NRXN1: variants seen among roughly 807,000 people sequenced by gnomAD.
NRXN1 encodes the protein neurexin 1.
NRXN1 carries 39 observed loss-of-function variants against 150.9 expected under a neutral mutation model. The ratio of observed to expected loss-of-function variants is 0.26; its 90% CI spans 0.20 to 0.34. The LOEUF (loss-of-function observed/expected upper bound fraction) is 0.34, where lower values mean the gene tolerates loss of function less well. Among genes scored for constraint, NRXN1 ranks in the 10% least tolerant of loss-of-function variants. The pLI is 1.00. For missense variants in NRXN1, 1,815 were observed against 1,949.9 expected, an observed-to-expected ratio of 0.93 and a Z score of 1.30; for synonymous variants, 924 against 757.0, an observed-to-expected ratio of 1.22 and a Z score of -3.62.
intron 17 of NRXN1, among the ~76,000 whole-genome samples, chr2:50,244,004 TA>T (rs889964702): frequency 3.3e-5 from 5 of 151,954 alleles, no homozygotes; most frequent in African/African-American, 1.2e-4. Flanking sequence ...TGCGCTTCAA[TA>T]AAAAATGAAT....
chr2:50,514,803 A>G (rs980121354), intron 12 of NRXN1, among the ~76,000 whole-genome samples: 3 of 152,226 alleles, frequency 2.0e-5, no homozygotes, highest in Non-Finnish European at 2.9e-5. Context: ...TCTGCATTGC[A>G]TATTAAAGAA....
intron 2 of NRXN1, among the ~76,000 whole-genome samples, chr2:50,989,983 G>C (rs1257623172): frequency 1.3e-5 from 2 of 151,672 alleles, no homozygotes; most frequent in Non-Finnish European, 2.9e-5. Flanking sequence ...GCCAGTACTT[G>C]ATATTGTCAT....
At position 50,610,428 on chromosome 2, in the gene NRXN1, C is replaced by T. The variant is rs375207970; in HGVS notation, c.1320+9594G>A. Among the ~76,000 whole-genome samples, 440 of 151,318 alleles carry T rather than the reference C, an allele frequency of 2.9e-3. 5 individuals carry two copies. The highest frequency in any genetic ancestry group is 0.021 in the Middle Eastern group (6 of 292). On this transcript the variant is annotated intron_variant, in intron 8 of 22. Coordinates refer to ENST00000401669, the MANE Select transcript of NRXN1 (RefSeq NM_001330078.2). ...AGACAAACTCAGATTACTTGATTAC[C>T]TTGTCTTTGAAATTATTACTAATGT...
chr2:50,300,212 T>C (rs778575906), intron 17 of NRXN1, among the ~76,000 whole-genome samples: 8 of 152,198 alleles, frequency 5.3e-5, no homozygotes, highest in Non-Finnish European at 1.5e-5. Context: ...AGTTTCAAAA[T>C]GTCATTTTAA....
chr2:50,663,138 C>G (rs142910463), intron 5 of NRXN1, among the ~76,000 whole-genome samples: 2 of 152,148 alleles, frequency 1.3e-5, no homozygotes, highest in Non-Finnish European at 2.9e-5. Flanking sequence ...TTTCCCAGGG[C>G]TATTGTGCTC....
At position 50,534,925 on chromosome 2, in the gene NRXN1, A is replaced by T. The variant is rs371020569; in HGVS notation, c.2143+3328T>A. ...TGAAATACAACCCAGAGAAAAAAAT[A>T]ATCAGAATCATTAGCCTTTAACATT... On this transcript the variant is annotated intron_variant, in intron 10 of 22. Coordinates refer to ENST00000401669, the MANE Select transcript of NRXN1 (RefSeq NM_001330078.2). Among the ~76,000 whole-genome samples the T allele has an allele frequency of 7.5e-4, 114 of 152,304 alleles. 2 individuals are homozygous for T. In the South Asian group the frequency reaches 0.023, roughly 31 times the overall value.
intron 21 of NRXN1, among the ~76,000 whole-genome samples, chr2:50,048,811 A>T (rs1310664669): frequency 2.0e-5 from 3 of 152,226 alleles, no homozygotes; most frequent in Admixed American, 6.5e-5. Flanking sequence ...CCCTGAAAAA[A>T]TGCCTAACTG....
chr2:50,460,871 A>C (rs937814460), intron 17 of NRXN1, among the ~76,000 whole-genome samples: 2 of 152,072 alleles, frequency 1.3e-5, no homozygotes, highest in African/African-American at 4.8e-5. Context: ...AAGATTCATC[A>C]TACTCACAAA....
chr2:51,010,716 T>C (rs552304236), intron 2 of NRXN1, among the ~76,000 whole-genome samples: 2 of 151,854 alleles, frequency 1.3e-5, no homozygotes, highest in South Asian at 4.2e-4. Flanking sequence ...ACACACTCCA[T>C]CCAAAGATGC....
At chr2:50,408,701 T>C (rs983308001) in intron 17 of NRXN1, among the ~76,000 whole-genome samples, 1 of 152,156 alleles carries the variant, frequency 6.6e-6, no homozygotes, top group Non-Finnish European at 1.5e-5. Flanking sequence ...GTTTTAGAAA[T>C]GAATTTACAT....
chr2:50,003,243 A>T (rs1442024749), intron 21 of NRXN1, among the ~76,000 whole-genome samples: 1 of 152,100 alleles, frequency 6.6e-6, no homozygotes, highest in Non-Finnish European at 1.5e-5. Context: ...GAGAGATCAG[A>T]GGCTTGGGGA....
intron 17 of NRXN1, among the ~76,000 whole-genome samples, chr2:50,276,109 T>C (rs776749346): frequency 2.0e-5 from 3 of 151,394 alleles, no homozygotes; most frequent in East Asian, 3.9e-4. Flanking sequence ...TACTCAACCA[T>C]AGAAACGTGA....
intron 5 of NRXN1, among the ~76,000 whole-genome samples, chr2:50,660,666 C>T (rs947962079): frequency 3.9e-5 from 6 of 152,004 alleles, no homozygotes; most frequent in Non-Finnish European, 7.4e-5. Context: ...TGCTGGTTTA[C>T]AGCAATGTGA....
intron 22 of NRXN1, among the ~76,000 whole-genome samples, chr2:49,924,668 G>A (rs1168322659): frequency 3.3e-5 from 5 of 152,138 alleles, no homozygotes; most frequent in Non-Finnish European, 7.4e-5. Context: ...CCAAATTGTT[G>A]CTTAAGTCAT....
intron 19 of NRXN1, among the ~76,000 whole-genome samples, chr2:50,055,810 T>C (rs921427839): frequency 6.6e-6 from 1 of 152,228 alleles, no homozygotes; most frequent in Non-Finnish European, 1.5e-5. Context: ...TAGTCAAATA[T>C]CTGCTTTTTA....
intron 18 of NRXN1, among the ~76,000 whole-genome samples, chr2:50,103,951 C>G (rs1701313228): frequency 1.3e-5 from 2 of 151,986 alleles, no homozygotes; most frequent in Non-Finnish European, 2.9e-5. Context: ...CATGTTCTGA[C>G]CCATCTCAGG....
intron 5 of NRXN1, among the ~76,000 whole-genome samples, chr2:50,645,115 A>G (rs1684636869): frequency 6.6e-6 from 1 of 151,918 alleles, no homozygotes; most frequent in Non-Finnish European, 1.5e-5. Flanking sequence ...CCAATTTCAG[A>G]GTATTTCCTG....
intron 18 of NRXN1, among the ~76,000 whole-genome samples, chr2:50,197,889 G>C (rs1260982051): frequency 6.6e-6 from 1 of 152,112 alleles, no homozygotes; most frequent in East Asian, 1.9e-4. Flanking sequence ...TGCAAGTCAA[G>C]TCACAAAGTT....
At chr2:50,555,198 C>T (rs1291422789) in intron 8 of NRXN1, among the ~76,000 whole-genome samples, 2 of 152,102 alleles carry the variant, frequency 1.3e-5, no homozygotes, top group South Asian at 2.1e-4. Context: ...TAAGTATTTT[C>T]AGACCCAAAT....
Sources: allele counts gnomAD v4.1 joint callset (sites outside exome capture counted in the v4.1 genomes callset), GRCh38; gene constraint gnomAD v4.1.1; transcripts MANE v1.5; gene names NCBI Gene and HGNC (gene_info 2026-07-23, HGNC 2026-07-21).